The following MYH7 variants were observed in gnomAD, a reference collection of about 807,000 sequenced individuals.
The protein encoded by MYH7 is myosin-7.
MYH7 carries 129 observed loss-of-function variants against 225.4 expected under a neutral mutation model. The ratio of observed to expected loss-of-function variants is 0.57; its 90% CI spans 0.50 to 0.66. The LOEUF is 0.66. Among genes scored for constraint, MYH7 ranks in the 30% least tolerant of loss-of-function variants. The pLI is 0.00. For missense variants in MYH7, 1,649 were observed against 2,517.0 expected, an observed-to-expected ratio of 0.66 and a Z score of 7.38; for synonymous variants, 971 against 1,007.6, an observed-to-expected ratio of 0.96 and a Z score of 0.69.
Position 23,417,648 on chromosome 14 carries a change from G to C in MYH7, c.4208C>G (p.Ala1403Gly). Residue 1403 changes from alanine (A) to glycine (G), a missense_variant, in exon 31 of 40, where the codon GCC becomes GGC. By Grantham distance (60) the Ala-to-Gly change is moderately conservative (BLOSUM62 0). This residue lies in a region of MYH7 where 687 missense variants were observed against 913.8 expected (regional missense o/e 0.75). Transcript: ENST00000355349. Reference protein sequence around the residue: ...LAQRLQEAEEAVEAVNAKCSS... With the variant: ...LAQRLQEAEEGVEAVNAKCSS... Reference sequence around the variant, plus strand: ...GCACTTGGCATTAACAGCCTCCACGGCCTCCTCAGCTTCCTGCAGCCGCTG... The same window carrying C: ...GCACTTGGCATTAACAGCCTCCACGCCCTCCTCAGCTTCCTGCAGCCGCTG... 1.2e-6 allele frequency: 2 copies of C among 1,613,046 alleles called. No homozygotes were observed. The highest frequency in any genetic ancestry group is 1.7e-6 in the Non-Finnish European group (2 of 1,180,036).
At position 23,425,263 on chromosome 14, in the gene MYH7, T is replaced by C. The variant is rs746018500; in HGVS notation, c.2423+19A>G. 18 of 1,614,116 alleles carry C rather than the reference T, an allele frequency of 1.1e-5. No individual in the cohort carries two copies. Among genetic ancestry groups the C allele is most frequent in the Non-Finnish European group, 1.5e-5 (18 of 1,180,016 alleles). On this transcript the variant is annotated intron_variant, in intron 21 of 39. Coordinates refer to ENST00000355349, the MANE Select transcript of MYH7 (RefSeq NM_000257.4). The surrounding 1 kb of genome is among the most constrained non-coding windows in gnomAD (Gnocchi z 4.6). ...CTGGGCCTCAGAGAAGCGGGAAACC[T>C]CCTCTTGAGATCTCTCACCTACGTT...
intron 22 of MYH7, among the ~76,000 whole-genome samples, chr14:23,424,429 G>A (rs930482467): frequency 6.6e-6 from 1 of 152,320 alleles, no homozygotes; most frequent in Middle Eastern, 3.4e-3. Context: ...CTGATGCCAA[G>A]CACTTATGTA....
In MYH7 at chr14:23,424,243, G is replaced by C; in HGVS notation, c.2680-94C>G. 11 of 1,514,946 alleles carry C rather than the reference G, an allele frequency of 7.3e-6. No individual in the cohort carries two copies. The South Asian group carries it at 8.3e-5, about 11-fold the overall frequency. The allele number at this position is 1,514,946 out of a possible 1,614,324, so 93.8% of individuals were successfully genotyped here. ...GAGAGGCACATCACTCAAATAGGAG[G>C]GTAACTCTAGGATATCCCCACTTGG... On this transcript the variant is annotated intron_variant, in intron 22 of 39. Coordinates refer to ENST00000355349, the MANE Select transcript of MYH7 (RefSeq NM_000257.4).
intron 15 of MYH7, 57 bp downstream of exon 15, chr14:23,428,442 CT>C (rs1892784490): frequency 6.2e-7 from 1 of 1,611,676 alleles, no homozygotes; most frequent in Admixed American, 1.7e-5. Flanking sequence ...GCTATTTTGT[CT>C]ATGGTGTTCT....
chr14:23,419,066 G>C, intron 29 of MYH7, 111 bp downstream of exon 29: 1 of 1,000,998 alleles, frequency 1.0e-6, no homozygotes, highest in South Asian at 1.3e-5. Flanking sequence ...TAGAATTCTT[G>C]GAGAACTGTT....
In MYH7 at chr14:23,413,808, T is replaced by G; in HGVS notation, c.5741A>C (p.Glu1914Ala). ...GGCCCGCAGCTTGTTGACCTGGGACTCGGCGATGTCCGCCCGCTCCTCTGC... is the reference window on the plus strand; with the variant it reads ...GGCCCGCAGCTTGTTGACCTGGGACGCGGCGATGTCCGCCCGCTCCTCTGC... ...DEAEERADIA[E>A]SQVNKLRAKS... The change falls in exon 39 of 40, where the codon GAG (glutamate) becomes GCG (alanine). Residue 1914 changes from glutamate to alanine, a missense_variant. Coordinates refer to ENST00000355349, the MANE Select transcript of MYH7 (RefSeq NM_000257.4). The G allele has an allele frequency of 6.2e-7, 1 of 1,614,256 alleles. No individual in the cohort carries two copies. The highest frequency in any genetic ancestry group is 8.5e-7 in the Non-Finnish European group (1 of 1,180,052).
chr14:23,430,033 T>C (rs1012968943), intron 11 of MYH7, 120 bp from the exon 12 acceptor site: 4 of 1,195,798 alleles, frequency 3.3e-6, no homozygotes, highest in South Asian at 1.3e-5. Flanking sequence ...GAGACTCCCA[T>C]ACCCAGTGGG....
intron 24 of MYH7, among the ~76,000 whole-genome samples, chr14:23,422,724 T>C (rs1000653588): frequency 5.4e-5 from 8 of 148,038 alleles, no homozygotes; most frequent in Non-Finnish European, 1.2e-4. Context: ...TCCGCCTCCC[T>C]GGTTCAAGGG....
chr14:23,420,887 C>G lies in MYH7; in HGVS notation c.3336+71G>C, dbSNP rs1278187920. 3 of 1,174,270 alleles carry G rather than the reference C, an allele frequency of 2.6e-6. No individual in the cohort carries two copies. In the East Asian group the frequency reaches 7.0e-5, roughly 27 times the overall value. 72.7% of individuals were successfully genotyped at this position (1,174,270 alleles called of 1,614,324 possible). On this transcript the variant is annotated intron_variant, in intron 26 of 39. Coordinates refer to ENST00000355349, the MANE Select transcript of MYH7 (RefSeq NM_000257.4). Reference sequence around the variant, plus strand: ...CCTGTAATGCTGTGAACAGGACACCCTAGAGGAGGGGGCAGGGGAAACAGA... The same window carrying G: ...CCTGTAATGCTGTGAACAGGACACCGTAGAGGAGGGGGCAGGGGAAACAGA...
At position 23,425,758 on chromosome 14, in the gene MYH7, CCCCT is replaced by C. The variant is rs1892669917; in HGVS notation, c.2219_2222del (p.Lys740ArgfsTer36). The C allele has an allele frequency of 6.2e-7, 1 of 1,613,876 alleles. No individual in the cohort carries two copies. Among genetic ancestry groups the C allele is most frequent in the Admixed American group, 1.7e-5 (1 of 60,004 alleles). ...CCAGGGAGCTGAGCAGCTTCTCTGC[CCCCT>C]TCCTGCTATCAATGAACTGTCCCTC... On this transcript the variant is annotated frameshift_variant, in exon 20 of 40. Coordinates refer to ENST00000355349, the MANE Select transcript of MYH7 (RefSeq NM_000257.4). LOFTEE classifies it high-confidence loss of function. This position sits in a 1 kb window ranked among gnomAD's most constrained non-coding sequence, Gnocchi z 4.6.
chr14:23,415,894 C>A lies in MYH7; in HGVS notation c.4954-62G>T. 1 of 1,613,496 alleles carries A rather than the reference C, an allele frequency of 6.2e-7. No homozygotes were observed. The highest frequency in any genetic ancestry group is 8.5e-7 in the Non-Finnish European group (1 of 1,179,596). On this transcript the variant is annotated intron_variant, in intron 34 of 39. Transcript: ENST00000355349. This position sits in a 1 kb window ranked among gnomAD's most constrained non-coding sequence, Gnocchi z 6.3. ...GCCTCGGTTCCCTTCACTAAAGGCACCTGTCAGAGGTCCCTGCAGTAACCT... is the reference window on the plus strand; with the variant it reads ...GCCTCGGTTCCCTTCACTAAAGGCAACTGTCAGAGGTCCCTGCAGTAACCT...
At chr14:23,428,840 C>T in intron 14 of MYH7, 115 bp downstream of exon 14, 2 of 1,583,780 alleles carry the variant, frequency 1.3e-6, no homozygotes, top group Middle Eastern at 2.0e-4. Context: ...CCTCTGTCAC[C>T]ACACAGTCCC....
intron 16 of MYH7, 121 bp from the exon 17 acceptor site, chr14:23,427,428 T>C (rs1440015290): frequency 6.1e-6 from 9 of 1,466,978 alleles, no homozygotes; most frequent in African/African-American, 2.8e-5. Flanking sequence ...GCCTTCAATG[T>C]GGCTGCCTCA....
chr14:23,431,092 G>A, intron 9 of MYH7, 93 bp from the exon 10 acceptor site: 1 of 938,608 alleles, frequency 1.1e-6, no homozygotes. Context: ...AAAAGGCAGA[G>A]GGAAGGGAAG....
In MYH7 at chr14:23,432,393, A is replaced by C. The variant is rs1440760896; in HGVS notation, c.530+86T>G. On this transcript the variant is annotated intron_variant, in intron 6 of 39. Transcript: ENST00000355349. ...GGTTGGGGGGAAAGAGGCTGAGTCT[A>C]TGCCTCGGGGCCTGGGACACCTGAT... The C allele has an allele frequency of 4.5e-6, 7 of 1,549,860 alleles. No individual in the cohort carries two copies. In the East Asian group the frequency reaches 1.6e-4, roughly 35 times the overall value.
intron 39 of MYH7, 61 bp downstream of exon 39, chr14:23,413,698 G>T: frequency 6.2e-7 from 1 of 1,609,616 alleles, no homozygotes; most frequent in Non-Finnish European, 8.5e-7. Context: ...GGGTTTGAGG[G>T]TGCTCTGTCT....
chr14:23,413,992 A>C lies in MYH7; in HGVS notation c.5655+15T>G, dbSNP rs1290830802. 3 of 1,614,056 alleles carry C rather than the reference A, an allele frequency of 1.9e-6. No homozygotes were observed. Among genetic ancestry groups the C allele is most frequent in the African/African-American group, 1.3e-5 (1 of 74,944 alleles). ...TATGCCTCCCCTGGGCCTAGTCCCC[A>C]GCAGGGTCACTCACCGCCTCCTCGG... On this transcript the variant is annotated intron_variant, in intron 38 of 39. Transcript: ENST00000355349.
Position 23,419,245 on chromosome 14 carries a change from T to A in MYH7, c.3904A>T (p.Thr1302Ser). The change falls in exon 29 of 40, where the codon ACC becomes TCC. Residue 1302 changes from threonine to serine, a missense_variant. By Grantham distance (58) the Thr-to-Ser change is moderately conservative (BLOSUM62 1). Coordinates refer to ENST00000355349, the MANE Select transcript of MYH7 (RefSeq NM_000257.4). ...TGGGTGTAGGTGAGCTTGCCTCGGGTCAGCTGGGAGATCAGTGCCTCCTTC... is the reference window on the plus strand; with the variant it reads ...TGGGTGTAGGTGAGCTTGCCTCGGGACAGCTGGGAGATCAGTGCCTCCTTC... The part of the protein sequence containing the change: ...DEKEALISQL[T>S]RGKLTYTQQL... The A allele has an allele frequency of 5.0e-6, 8 of 1,614,098 alleles. No homozygotes were observed. Among genetic ancestry groups the A allele is most frequent in the Non-Finnish European group, 6.8e-6 (8 of 1,180,024 alleles).
rs774560622 is a variant in MYH7, at chr14:23,412,841, A to G, written c.*13T>C. 6.2e-7 allele frequency: 1 copy of G among 1,614,080 alleles called. No individual in the cohort carries two copies. Among genetic ancestry groups the G allele is most frequent in the South Asian group, 1.1e-5 (1 of 91,074 alleles). On this transcript the variant is annotated 3_prime_UTR_variant, in exon 40 of 40. Transcript: ENST00000355349. ...GGCACCTCCAGGGCTGAGCAGATCA[A>G]GATGTGGCAAAGCTACTCCTCATTC...
Sources: allele counts gnomAD v4.1 joint callset (sites outside exome capture counted in the v4.1 genomes callset), GRCh38; gene constraint gnomAD v4.1.1; regional missense constraint gnomAD v4.1.1; non-coding constraint Gnocchi (gnomAD v3.1); transcripts MANE v1.5; gene names NCBI Gene and HGNC (gene_info 2026-07-23, HGNC 2026-07-21).